Variants in OXR1 observed in about 807,000 individuals in gnomAD.
OXR1 encodes oxidation resistance 1.
Under a neutral mutation model 104.6 loss-of-function variants are expected in OXR1, and 41 were observed. The observed-to-expected ratio is 0.39, with a 90% CI of 0.31 to 0.51. The LOEUF (loss-of-function observed/expected upper bound fraction) is 0.51, where lower values mean the gene tolerates loss of function less well. Ranked by LOEUF, OXR1 falls within the 20% of genes least tolerant of loss-of-function variation. OXR1 has a pLI of 0.77. For synonymous variants in OXR1, 348 were observed against 348.4 expected (o/e 1.00, Z 0.01); for missense variants, 955 against 1,031.9 (o/e 0.93, Z 1.02).
intron 3 of OXR1, among the ~76,000 whole-genome samples, chr8:106,675,761 A>T (rs773621597): frequency 3.9e-4 from 59 of 152,122 alleles, no homozygotes; most frequent in Non-Finnish European, 4.0e-4. Context: ...GACAATGTAT[A>T]TTCTGTTGTT....
chr8:106,725,377 G>A (rs950156582), intron 11 of OXR1, among the ~76,000 whole-genome samples: 11 of 152,074 alleles, frequency 7.2e-5, no homozygotes, highest in African/African-American at 2.7e-4. Flanking sequence ...CCTTAAAATG[G>A]AAGAAATTTT....
chr8:106,365,068 G>C (rs561554744), intron 2 of OXR1, among the ~76,000 whole-genome samples: 1 of 151,980 alleles, frequency 6.6e-6, no homozygotes, highest in African/African-American at 2.4e-5. Flanking sequence ...TATTAGCCCC[G>C]GTTTTATAGT....
intron 2 of OXR1, among the ~76,000 whole-genome samples, chr8:106,497,841 C>T (rs1204995474): frequency 6.6e-6 from 1 of 151,784 alleles, no homozygotes; most frequent in Non-Finnish European, 1.5e-5. Flanking sequence ...CATTGCATGT[C>T]AGAGAGTGAG....
rs190770087 is a variant in OXR1, at chr8:106,660,043, C to T, written c.221-19167C>T. On this transcript the variant is annotated intron_variant, in intron 3 of 16. Transcript: ENST00000517566. Reference sequence around the variant, plus strand: ...GGCAGGTACGTCCTAGCATTAACTTCCTGAAAGAATTTGGACAAGTTACTT... The same window carrying T: ...GGCAGGTACGTCCTAGCATTAACTTTCTGAAAGAATTTGGACAAGTTACTT... Among the ~76,000 whole-genome samples, 516 of 152,268 alleles carry T rather than the reference C, an allele frequency of 3.4e-3. 2 individuals carry two copies. The highest frequency in any genetic ancestry group is 7.2e-3 in the South Asian group (35 of 4,828).
chr8:106,397,430 G>A (rs2022972), intron 2 of OXR1, among the ~76,000 whole-genome samples: 96,633 of 151,810 alleles, frequency 0.64, 30,941 homozygotes, highest in Middle Eastern at 0.69. Flanking sequence ...GATTTAAAAA[G>A]TACAATTAAC....
chr8:106,393,832 A>G (rs1457002275), intron 2 of OXR1, among the ~76,000 whole-genome samples: 4 of 152,004 alleles, frequency 2.6e-5, no homozygotes, highest in East Asian at 3.9e-4. Context: ...TAAGTACTTG[A>G]TATAACTTGT....
chr8:106,481,960 T>G (rs1055954004), intron 2 of OXR1, among the ~76,000 whole-genome samples: 1 of 152,020 alleles, frequency 6.6e-6, no homozygotes, highest in African/African-American at 2.4e-5. Context: ...TTTGAGATAC[T>G]GTTATCAGAA....
chr8:106,274,027 G>C (rs951804587), intron 1 of OXR1, among the ~76,000 whole-genome samples: 1 of 152,148 alleles, frequency 6.6e-6, no homozygotes, highest in Admixed American at 6.5e-5. Flanking sequence ...TATCAAGTGA[G>C]GGATTGAACA....
intron 2 of OXR1, among the ~76,000 whole-genome samples, chr8:106,470,647 T>G (rs757225015): frequency 6.6e-6 from 1 of 151,778 alleles, no homozygotes; most frequent in African/African-American, 2.4e-5. Context: ...AAATGGTATT[T>G]AAAGCCATGG....
At chr8:106,353,621 T>C (rs1204130590) in intron 1 of OXR1, among the ~76,000 whole-genome samples, 1 of 152,158 alleles carries the variant, frequency 6.6e-6, no homozygotes, top group Admixed American at 6.5e-5. Flanking sequence ...TTGGCAAATA[T>C]AAATTGTATC....
At chr8:106,665,447 T>C (rs1236610401) in intron 3 of OXR1, among the ~76,000 whole-genome samples, 2 of 152,204 alleles carry the variant, frequency 1.3e-5, no homozygotes, top group African/African-American at 4.8e-5. Flanking sequence ...GGACCTGTAA[T>C]ATATGTAAGA....
At chr8:106,362,844 C>T (rs997047281) in intron 2 of OXR1, among the ~76,000 whole-genome samples, 3 of 152,160 alleles carry the variant, frequency 2.0e-5, no homozygotes, top group African/African-American at 7.2e-5. Context: ...TGTACAGTAA[C>T]ACTAAAATAG....
chr8:106,420,734 G>GTGTGTGTGTGTGTGTC (rs1818870820), intron 2 of OXR1, among the ~76,000 whole-genome samples: 1 of 151,196 alleles, frequency 6.6e-6, no homozygotes, highest in Non-Finnish European at 1.5e-5. Flanking sequence ...AAAATATTGT[G>GTGTGTGTGTGTGTGTC]TGTGTGTGTG....
chr8:106,751,671 T>C lies in OXR1; in HGVS notation c.*730T>C, dbSNP rs1835898163. 6.6e-6 allele frequency: 1 copy of C among 152,576 alleles called. No homozygotes were observed. Among genetic ancestry groups the C allele is most frequent in the African/African-American group, 2.4e-5 (1 of 41,436 alleles). 9.5% of individuals were successfully genotyped at this position (152,576 alleles called of 1,614,324 possible). A position where few individuals can be genotyped will look rare whatever the true frequency, so the allele number is the denominator to read the frequency against. ...GGAGAATGAGAACTTAATGATTCTA[T>C]TGGATTTAATATATTAGCAAGAAAA... On this transcript the variant is annotated 3_prime_UTR_variant, in exon 17 of 17. Transcript: ENST00000517566.
At chr8:106,599,174 C>A (rs920420996) in intron 3 of OXR1, among the ~76,000 whole-genome samples, 4 of 152,140 alleles carry the variant, frequency 2.6e-5, no homozygotes, top group African/African-American at 7.2e-5. Flanking sequence ...GAGTAGTTTT[C>A]TTTCTCCCCA....
chr8:106,689,456 G>A (rs574894338), intron 6 of OXR1, among the ~76,000 whole-genome samples: 4 of 152,120 alleles, frequency 2.6e-5, no homozygotes, highest in African/African-American at 7.2e-5. Flanking sequence ...CTGAGATACT[G>A]GAGGTTAGGG....
intron 1 of OXR1, among the ~76,000 whole-genome samples, chr8:106,327,305 G>C (rs546837055): frequency 6.6e-6 from 1 of 152,068 alleles, no homozygotes; most frequent in Non-Finnish European, 1.5e-5. Flanking sequence ...GTTACTTTTT[G>C]TTCCTGCTCT....
chr8:106,448,759 T>C (rs1255235093), intron 2 of OXR1, among the ~76,000 whole-genome samples: 1 of 152,126 alleles, frequency 6.6e-6, no homozygotes, highest in Non-Finnish European at 1.5e-5. Flanking sequence ...GAAAATCAGT[T>C]AAAACAAAAG....
At chr8:106,684,429 T>C (rs1587080288) in intron 6 of OXR1, 70 bp downstream of exon 6, 1 of 768,806 alleles carries the variant, frequency 1.3e-6, no homozygotes, top group East Asian at 2.5e-5. Flanking sequence ...TGTCTTGTTT[T>C]TTACATTCCA....
Sources: gnomAD v4.1 joint callset for allele counts (sites outside exome capture counted in the v4.1 genomes callset) on GRCh38, gnomAD v4.1.1 for gene constraint, MANE v1.5 for transcripts, NCBI Gene and HGNC (gene_info 2026-07-23, HGNC 2026-07-21) for gene names.